The following CHST3 variants were observed in gnomAD, a reference collection of about 807,000 sequenced individuals.
The protein encoded by CHST3 is carbohydrate sulfotransferase 3.
Under a neutral mutation model 35.4 loss-of-function variants are expected in CHST3, and 20 were observed. The ratio of observed to expected loss-of-function variants is 0.57; its 90% CI spans 0.40 to 0.82. The LOEUF (loss-of-function observed/expected upper bound fraction) is 0.82, where lower values mean the gene tolerates loss of function less well. Among genes scored for constraint, CHST3 ranks in the 40% least tolerant of loss-of-function variants. The pLI is 0.00. For synonymous variants in CHST3, 334 were observed against 295.9 expected (o/e 1.13, Z -1.32); for missense variants, 693 against 670.1 (o/e 1.03, Z -0.38).
Position 71,985,266 on chromosome 10 carries a change from C to T in CHST3, c.-107-20470C>T, listed in dbSNP as rs1676806096. ...TTGGGCACCAAGCCTTGCATGGTCTCATGGGACTCACTGCCTGCAGCCGCT... is the reference window on the plus strand; with the variant it reads ...TTGGGCACCAAGCCTTGCATGGTCTTATGGGACTCACTGCCTGCAGCCGCT... On this transcript the variant is annotated intron_variant, in intron 1 of 2. Transcript: ENST00000373115. Among the ~76,000 whole-genome samples, 5 of 152,364 alleles carry T rather than the reference C, an allele frequency of 3.3e-5. No homozygotes were observed. In the South Asian group the frequency reaches 1.0e-3, roughly 32 times the overall value.
rs186002404 is a variant in CHST3, at chr10:71,972,067, T to C, written c.-108+7373T>C. 1.3e-3 allele frequency among the ~76,000 whole-genome samples: 198 copies of C among 152,318 alleles called. 1 individual carries two copies. Among genetic ancestry groups the C allele is most frequent in the African/African-American group, 4.6e-3 (191 of 41,570 alleles). ...TAAGAGCAGCTGGTGTGCCTAATAC[T>C]GCCCTGAGCACCTACAAGGCGTCCT... On this transcript the variant is annotated intron_variant, in intron 1 of 2. Coordinates refer to ENST00000373115, the MANE Select transcript of CHST3 (RefSeq NM_004273.5).
chr10:71,994,074 T>C (rs1039092454), intron 1 of CHST3, among the ~76,000 whole-genome samples: 4 of 152,056 alleles, frequency 2.6e-5, no homozygotes, highest in South Asian at 2.1e-4. Context: ...TACTCCAGCC[T>C]GGGTGACAAA....
chr10:71,998,140 C>A (rs1233362454), intron 1 of CHST3, among the ~76,000 whole-genome samples: 1 of 152,108 alleles, frequency 6.6e-6, no homozygotes, highest in African/African-American at 2.4e-5. Context: ...CCCTGTCCCC[C>A]CCAAAAATAA....
At chr10:71,979,946 A>G (rs1839784808) in intron 1 of CHST3, among the ~76,000 whole-genome samples, 2 of 152,196 alleles carry the variant, frequency 1.3e-5, no homozygotes, top group South Asian at 4.1e-4. Flanking sequence ...GAAAATGCAC[A>G]GTTTAAATTT....
intron 1 of CHST3, among the ~76,000 whole-genome samples, chr10:71,972,937 T>G (rs1482861215): frequency 1.3e-5 from 2 of 152,240 alleles, no homozygotes; most frequent in Non-Finnish European, 2.9e-5. Context: ...TTCAGTGATC[T>G]GTGGTCTGCA....
At chr10:71,985,564 G>A (rs1305149691) in intron 1 of CHST3, among the ~76,000 whole-genome samples, 2 of 152,152 alleles carry the variant, frequency 1.3e-5, no homozygotes, top group Non-Finnish European at 2.9e-5. Context: ...CTCTGCCCTA[G>A]AAAGGCCATT....
At chr10:71,965,082 C>T (rs927307218) in intron 1 of CHST3, among the ~76,000 whole-genome samples, 1 of 152,180 alleles carries the variant, frequency 6.6e-6, no homozygotes, top group Non-Finnish European at 1.5e-5. Flanking sequence ...TGTCTGCTGC[C>T]CCCGCAGCCC....
rs1013851768 is a variant in CHST3, at chr10:72,007,958, G to A, written c.927G>A (p.Ser309=). 1.3e-6 allele frequency: 2 copies of A among 1,549,350 alleles called. No homozygotes were observed. Among genetic ancestry groups the A allele is most frequent in the African/African-American group, 2.7e-5 (2 of 73,010 alleles). ...LVRDPRAVLA[S]RMVAFAGKYK... ...GCGACCCCCGGGCCGTGCTGGCCTCGCGCATGGTGGCCTTCGCCGGCAAGT... is the reference window on the plus strand; with the variant it reads ...GCGACCCCCGGGCCGTGCTGGCCTCACGCATGGTGGCCTTCGCCGGCAAGT... The change falls in exon 3 of 3, where the codon TCG becomes TCA. Residue 309 remains serine (S), a synonymous_variant. Transcript: ENST00000373115.
At chr10:72,005,619 TG>T (rs1840030795) in intron 1 of CHST3, 116 bp from the exon 2 acceptor site, 2 of 592,956 alleles carry the variant, frequency 3.4e-6, no homozygotes, top group Non-Finnish European at 6.0e-6. Context: ...GTCTGGAGAG[TG>T]GGTCTGGGGT....
intron 1 of CHST3, among the ~76,000 whole-genome samples, chr10:71,977,188 A>G (rs1019136681): frequency 6.6e-6 from 1 of 152,242 alleles, no homozygotes; most frequent in Non-Finnish European, 1.5e-5. Context: ...TGCTGCCCAC[A>G]GTCCCAGCCC....
chr10:71,998,911 G>T (rs1347706752), intron 1 of CHST3, among the ~76,000 whole-genome samples: 1 of 152,022 alleles, frequency 6.6e-6, no homozygotes, highest in East Asian at 1.9e-4. Flanking sequence ...GTGCAGGGGG[G>T]TGGAGGTGGT....
rs144995897 is a variant in CHST3, at chr10:72,004,873, T to C, written c.-107-863T>C. Among the ~76,000 whole-genome samples the C allele has an allele frequency of 5.4e-4, 83 of 152,340 alleles. No homozygotes were observed. The East Asian group carries it at 0.012, about 23-fold the overall frequency. ...GGCCAGGCGTGGTGGCTCGTGCCTA[T>C]AATCCCAGCACTTTGGGAGGCCGAG... On this transcript the variant is annotated intron_variant, in intron 1 of 2. Transcript: ENST00000373115.
At chr10:71,995,865 G>A (rs973713083) in intron 1 of CHST3, among the ~76,000 whole-genome samples, 4 of 152,088 alleles carry the variant, frequency 2.6e-5, no homozygotes, top group African/African-American at 7.2e-5. Flanking sequence ...CTGCACTATT[G>A]CGAAAATTAC....
At chr10:71,981,502 G>T (rs1839801126) in intron 1 of CHST3, among the ~76,000 whole-genome samples, 1 of 152,224 alleles carries the variant, frequency 6.6e-6, no homozygotes, top group Admixed American at 6.5e-5. Context: ...ATTCTGCCCA[G>T]GTCAGCTCCC....
intron 1 of CHST3, among the ~76,000 whole-genome samples, chr10:71,989,648 C>T (rs1207263516): frequency 1.3e-5 from 2 of 151,802 alleles, no homozygotes; most frequent in African/African-American, 2.4e-5. Context: ...TTATAACTTT[C>T]TCTTATATTG....
chr10:71,966,002 T>C (rs1373489412), intron 1 of CHST3, among the ~76,000 whole-genome samples: 2 of 152,126 alleles, frequency 1.3e-5, no homozygotes, highest in East Asian at 3.9e-4. Flanking sequence ...TTTTGGTAGA[T>C]GGCAGGCTGT....
At position 72,009,905 on chromosome 10, in the gene CHST3, G is replaced by A. The variant is rs1840091750; in HGVS notation, c.*1434G>A. Reference sequence around the variant, plus strand: ...AGTGGAGGCCTGAGGGCTTGAGGGAGGCTGGGGAAAACCAGCAGGGAGCAC... The same window carrying A: ...AGTGGAGGCCTGAGGGCTTGAGGGAAGCTGGGGAAAACCAGCAGGGAGCAC... On this transcript the variant is annotated 3_prime_UTR_variant, in exon 3 of 3. Transcript: ENST00000373115. The A allele has an allele frequency of 6.5e-6, 1 of 152,780 alleles. No homozygotes were observed. The highest frequency in any genetic ancestry group is 1.5e-5 in the Non-Finnish European group (1 of 68,178). 9.5% of individuals were successfully genotyped at this position (152,780 alleles called of 1,614,324 possible).
chr10:71,982,466 G>T (rs1418124383), intron 1 of CHST3, among the ~76,000 whole-genome samples: 2 of 152,286 alleles, frequency 1.3e-5, no homozygotes, highest in East Asian at 3.9e-4. Context: ...TCAGTGTGTT[G>T]TTCCAGCTGG....
rs751470049 is a variant in CHST3, at chr10:72,007,365, G to T, written c.334G>T (p.Glu112Ter). 1 of 1,605,408 alleles carries T rather than the reference G, an allele frequency of 6.2e-7. No homozygotes were observed. The highest frequency in any genetic ancestry group is 8.5e-7 in the Non-Finnish European group (1 of 1,176,360). Residue 112 changes from glutamate to a stop codon, truncating the protein, a stop_gained, in exon 3 of 3, where the codon GAG becomes TAG. Transcript: ENST00000373115. LOFTEE classifies it high-confidence loss of function. ...GVEPAMEAAGEEEEEQRKEEE... is the reference protein window; with the variant it reads ...GVEPAMEAAG ...GGAGCCAGCCATGGAGGCCGCAGGG[G>T]AGGAAGAGGAAGAGCAGAGAAAGGA...
Sources: allele counts gnomAD v4.1 joint callset (sites outside exome capture counted in the v4.1 genomes callset), GRCh38; gene constraint gnomAD v4.1.1; transcripts MANE v1.5; gene names NCBI Gene and HGNC (gene_info 2026-07-23, HGNC 2026-07-21).